The following VPS13D variants were observed in gnomAD, a reference collection of about 807,000 sequenced individuals.
The protein encoded by VPS13D is vacuolar protein sorting 13 homolog D.
Under a neutral mutation model 461.9 loss-of-function variants are expected in VPS13D, and 187 were observed. The observed-to-expected ratio is 0.40, with a 90% CI of 0.36 to 0.46. The LOEUF (loss-of-function observed/expected upper bound fraction) is 0.46. Ranked by LOEUF, VPS13D falls within the 20% of genes least tolerant of loss-of-function variation. The pLI is 0.60. For missense variants in VPS13D, 4,711 were observed against 5,364.9 expected, an observed-to-expected ratio of 0.88 and a Z score of 3.81; for synonymous variants, 1,951 against 1,986.3, an observed-to-expected ratio of 0.98 and a Z score of 0.47.
At position 12,283,081 on chromosome 1, in the gene VPS13D, A is replaced by T. The variant is rs1315491286; in HGVS notation, c.4979A>T (p.Gln1660Leu). 1 of 1,614,102 alleles carries T rather than the reference A, an allele frequency of 6.2e-7. No homozygotes were observed. The highest frequency in any genetic ancestry group is 2.2e-5 in the East Asian group (1 of 44,902). ...GTGGAATTCAGTAAAGACCATCCCC[A>T]GACTTTATCTATTCAGATTGCCCTG... The part of the protein sequence containing the change: ...FEVEFSKDHP[Q>L]TLSIQIALHS... Residue 1660 changes from glutamine (Q) to leucine (L), a missense_variant, in exon 21 of 70, where the codon CAG becomes CTG. By Grantham distance (113) the Gln-to-Leu change is moderately radical (BLOSUM62 -2). This residue lies in a region of VPS13D where 4,411 missense variants were observed against 4,937.8 expected (regional missense o/e 0.89). Transcript: ENST00000620676.
chr1:12,497,255 TAAGG>T (rs1645971887), intron 67 of VPS13D: 2 of 288,250 alleles, frequency 6.9e-6, no homozygotes, highest in South Asian at 1.2e-4. Flanking sequence ...AACTGAGGGT[TAAGG>T]AAGGTAACCA....
intron 67 of VPS13D, among the ~76,000 whole-genome samples, chr1:12,471,420 T>C (rs1645561045): frequency 6.6e-6 from 1 of 152,264 alleles, no homozygotes; most frequent in Non-Finnish European, 1.5e-5. Context: ...CTTTTTTAAG[T>C]TGAAGTCTTT....
At chr1:12,499,784 A>G in intron 68 of VPS13D, 3 of 985,372 alleles carry the variant, frequency 3.0e-6, no homozygotes, top group Non-Finnish European at 3.6e-6. Context: ...AGTGTGTCGC[A>G]TGTTCCTCTG....
chr1:12,490,328 C>T (rs149041972), intron 67 of VPS13D, among the ~76,000 whole-genome samples: 3 of 152,304 alleles, frequency 2.0e-5, no homozygotes, highest in East Asian at 1.9e-4. Flanking sequence ...TCCCAACCTA[C>T]GGATTGAATA....
intron 25 of VPS13D, among the ~76,000 whole-genome samples, chr1:12,303,957 G>A (rs1379079929): frequency 6.6e-6 from 1 of 152,150 alleles, no homozygotes; most frequent in East Asian, 1.9e-4. Context: ...TTCTTAATTT[G>A]TATGTCCTTG....
chr1:12,489,682 C>T (rs1472542932), intron 67 of VPS13D, among the ~76,000 whole-genome samples: 1 of 152,182 alleles, frequency 6.6e-6, no homozygotes, highest in South Asian at 2.1e-4. Context: ...ACTAGGGTTC[C>T]TCGTGTGCAC....
At chr1:12,429,266 C>CT (rs1411641880) in intron 65 of VPS13D, among the ~76,000 whole-genome samples, 6 of 151,608 alleles carry the variant, frequency 4.0e-5, no homozygotes, top group Admixed American at 3.3e-4. Flanking sequence ...TAGCTATTTT[C>CT]TTTTTTTATG....
In VPS13D at chr1:12,266,982, A is replaced by G. The variant is rs147260322; in HGVS notation, c.1696A>G (p.Met566Val). The G allele has an allele frequency of 3.7e-6, 6 of 1,608,524 alleles. No individual in the cohort carries two copies. Among genetic ancestry groups the G allele is most frequent in the East Asian group, 4.5e-5 (2 of 44,796 alleles). Residue 566 changes from methionine to valine, a missense_variant, in exon 14 of 70, where the codon ATG becomes GTG. Physicochemically the swap from Met to Val is conservative, Grantham distance 21. Coordinates refer to ENST00000620676, the MANE Select transcript of VPS13D (RefSeq NM_015378.4). ...FLRDLATEGT[M>V]FPLLVFPNPQ... ...TCGAGACCTGGCTACAGAAGGAACT[A>G]TGTTTCCTCTTCTAGTCTTCCCTAA...
At chr1:12,455,380 G>T (rs1645312141) in intron 65 of VPS13D, among the ~76,000 whole-genome samples, 1 of 152,216 alleles carries the variant, frequency 6.6e-6, no homozygotes, top group African/African-American at 2.4e-5. Context: ...TTCTTACCAT[G>T]ATACAGTCCT....
intron 65 of VPS13D, among the ~76,000 whole-genome samples, chr1:12,444,201 T>A (rs1407639941): frequency 6.6e-6 from 1 of 152,232 alleles, no homozygotes; most frequent in Non-Finnish European, 1.5e-5. Flanking sequence ...GTTTATTCTT[T>A]CAGTCTTTTA....
intron 68 of VPS13D, among the ~76,000 whole-genome samples, chr1:12,497,972 A>G (rs946322213): frequency 3.3e-5 from 5 of 152,254 alleles, no homozygotes; most frequent in African/African-American, 4.8e-5. Context: ...TTAAAGTTTG[A>G]TATCCCATTT....
At chr1:12,308,354 C>T (rs556241749) in intron 26 of VPS13D, 77 bp from the exon 27 acceptor site, 3 of 1,466,056 alleles carry the variant, frequency 2.0e-6, no homozygotes, top group Admixed American at 3.6e-5. Context: ...ATGAGCTTTG[C>T]ATTTTTTATT....
chr1:12,230,785 C>A (rs543550885), intron 1 of VPS13D, among the ~76,000 whole-genome samples: 1 of 152,032 alleles, frequency 6.6e-6, no homozygotes, highest in African/African-American at 2.4e-5. Context: ...CTTTTACCCC[C>A]CAGGGTCACG....
chr1:12,423,950 T>A (rs1644893277), intron 65 of VPS13D, among the ~76,000 whole-genome samples: 1 of 152,244 alleles, frequency 6.6e-6, no homozygotes, highest in Non-Finnish European at 1.5e-5. Flanking sequence ...AGTCCCTGCA[T>A]GGATTCTGAA....
rs967706644 is a variant in VPS13D, at chr1:12,274,414, T to G, written c.2236+1279T>G. ...TGGTTTTGAACTCCTAACCTCAAAG[T>G]GATCTACCTGTCTTGGCGACCCAAA... On this transcript the variant is annotated intron_variant, in intron 18 of 69. Transcript: ENST00000620676. Among the ~76,000 whole-genome samples, 82 of 151,994 alleles carry G rather than the reference T, an allele frequency of 5.4e-4. 1 individual carries two copies. Among genetic ancestry groups the G allele is most frequent in the Non-Finnish European group, 4.7e-4 (32 of 67,992 alleles).
chr1:12,323,859 A>G (rs1643109277), intron 35 of VPS13D, 79 bp downstream of exon 35: 3 of 1,458,910 alleles, frequency 2.1e-6, no homozygotes, highest in African/African-American at 1.4e-5. Context: ...TACTTCCACA[A>G]GGTGACTTAG....
At chr1:12,246,622 C>G (rs1640559615) in intron 5 of VPS13D, among the ~76,000 whole-genome samples, 1 of 152,168 alleles carries the variant, frequency 6.6e-6, no homozygotes, top group Non-Finnish European at 1.5e-5. Context: ...CCTATAAACC[C>G]TTTTCAGTAA....
chr1:12,330,275 C>T (rs1643297064), intron 37 of VPS13D, among the ~76,000 whole-genome samples: 1 of 151,964 alleles, frequency 6.6e-6, no homozygotes, highest in Non-Finnish European at 1.5e-5. Flanking sequence ...ACTAGCTGGG[C>T]ATGGTGGTGG....
chr1:12,272,775 A>C lies in VPS13D; in HGVS notation c.2104-228A>C, dbSNP rs1641489916. Among the ~76,000 whole-genome samples, 4 of 152,180 alleles carry C rather than the reference A, an allele frequency of 2.6e-5. 1 individual carries two copies. In the South Asian group the frequency reaches 8.3e-4, roughly 32 times the overall value. On this transcript the variant is annotated intron_variant, in intron 17 of 69. Transcript: ENST00000620676. Reference sequence around the variant, plus strand: ...CTTTCTTAAGTACAGACTCTCCCCTATTTAGTTATTTGCTATTTTTTTTCT... The same window carrying C: ...CTTTCTTAAGTACAGACTCTCCCCTCTTTAGTTATTTGCTATTTTTTTTCT...
Sources: gnomAD v4.1 joint callset for allele counts (sites outside exome capture counted in the v4.1 genomes callset) on GRCh38, gnomAD v4.1.1 for gene constraint, gnomAD v4.1.1 regional missense constraint, MANE v1.5 for transcripts, NCBI Gene and HGNC (gene_info 2026-07-23, HGNC 2026-07-21) for gene names.